Variants in R3HDM2 observed in about 807,000 individuals in gnomAD.
R3HDM2 encodes the protein R3H domain containing 2, also known as R3H domain-containing protein 2.
In R3HDM2, 38 loss-of-function variants were observed where a neutral mutation model predicts 124.5. The observed-to-expected ratio is 0.31, with a 90% CI of 0.24 to 0.40. The LOEUF is 0.40. Among genes scored for constraint, R3HDM2 ranks in the 10% least tolerant of loss-of-function variants. The probability of loss-of-function intolerance (pLI) is 1.00; values close to 1 mark genes in which losing one functional copy is unlikely to be tolerated. For missense variants in R3HDM2, 869 were observed against 1,236.9 expected, an observed-to-expected ratio of 0.70 and a Z score of 4.46; for synonymous variants, 391 against 448.0, an observed-to-expected ratio of 0.87 and a Z score of 1.61.
At chr12:57,396,310 A>T (rs1361591129) in intron 1 of R3HDM2, among the ~76,000 whole-genome samples, 2 of 151,868 alleles carry the variant, frequency 1.3e-5, no homozygotes, top group South Asian at 4.1e-4. Context: ...GCACGGTGGC[A>T]TGTGCCTGTA....
chr12:57,410,449 C>T (rs2068910471), intron 1 of R3HDM2, among the ~76,000 whole-genome samples: 1 of 151,934 alleles, frequency 6.6e-6, no homozygotes, highest in Admixed American at 6.6e-5. Flanking sequence ...ACAATTCCAG[C>T]ATCATAAAAT....
chr12:57,344,054 C>T (rs1165248644), intron 2 of R3HDM2, among the ~76,000 whole-genome samples: 5 of 152,224 alleles, frequency 3.3e-5, no homozygotes, highest in South Asian at 2.1e-4. Flanking sequence ...TACAAACTTA[C>T]GTATACACAT....
intron 2 of R3HDM2, among the ~76,000 whole-genome samples, chr12:57,370,402 G>A (rs530874911): frequency 3.0e-4 from 40 of 131,900 alleles, no homozygotes; most frequent in African/African-American, 9.9e-4. Flanking sequence ...AGGCCCGGGG[G>A]GGGGGGGCGG....
At chr12:57,331,423 T>C (rs2058176797) in intron 2 of R3HDM2, among the ~76,000 whole-genome samples, 1 of 152,210 alleles carries the variant, frequency 6.6e-6, no homozygotes, top group South Asian at 2.1e-4. Context: ...CGTTTATCAT[T>C]GTCAAACTAT....
At chr12:57,328,419 T>C (rs375578190) in intron 2 of R3HDM2, among the ~76,000 whole-genome samples, 20 of 152,254 alleles carry the variant, frequency 1.3e-4, no homozygotes, top group Non-Finnish European at 2.6e-4. Context: ...ACCACCACCA[T>C]TGATCAGTCA....
rs541541327 is a variant in R3HDM2 at position 57,330,735 on chromosome 12, G to A, written c.-35-20272C>T. 7.8e-5 allele frequency among the ~76,000 whole-genome samples: 8 copies of A among 102,112 alleles called. No homozygotes were observed. The South Asian group carries it at 2.7e-3, about 34-fold the overall frequency. 67.0% of individuals were successfully genotyped at this position (102,112 alleles called of 152,430 possible). ...TTTTTTTGAGACGGAGTCTCGTTCT[G>A]TTGCCCAGGCTGGAGTGCAGTGGCG... On this transcript the variant is annotated intron_variant, in intron 2 of 23. Coordinates refer to ENST00000402412, the MANE Select transcript of R3HDM2 (RefSeq NM_001394031.1).
In R3HDM2 at chr12:57,380,172, A is replaced by G. The variant is rs913606214; in HGVS notation, c.-36+15577T>C. On this transcript the variant is annotated intron_variant, in intron 2 of 23. Coordinates refer to ENST00000402412, the MANE Select transcript of R3HDM2 (RefSeq NM_001394031.1). ...TTTCTCTTGAGTCTTGAATAATTCA[A>G]TCCTATTAACTCCTAAAAACTCAAA... 7.2e-5 allele frequency among the ~76,000 whole-genome samples: 11 copies of G among 152,148 alleles called. No homozygotes were observed. In the East Asian group the frequency reaches 1.3e-3, roughly 19 times the overall value.
At chr12:57,358,481 A>AC (rs2061538046) in intron 2 of R3HDM2, among the ~76,000 whole-genome samples, 1 of 151,994 alleles carries the variant, frequency 6.6e-6, no homozygotes, top group South Asian at 2.1e-4. Flanking sequence ...CACCAAAAAT[A>AC]CAAAAAAATA....
At chr12:57,316,074 G>GC (rs1210948896) in intron 2 of R3HDM2, among the ~76,000 whole-genome samples, 1 of 152,206 alleles carries the variant, frequency 6.6e-6, no homozygotes, top group Non-Finnish European at 1.5e-5. Context: ...TCCAGCCTGC[G>GC]CAACAGAGTG....
chr12:57,298,258 A>G lies in R3HDM2; in HGVS notation c.422-90T>C. ...AGCAGAAGTCCACAACCTAACCAGG[A>G]GAAAAAAGAATAGGAAAGCAAAATC... is the stretch of plus-strand genomic sequence containing the variant. On this transcript the variant is annotated intron_variant, in intron 6 of 23. Transcript: ENST00000402412. The G allele has an allele frequency of 2.9e-6, 3 of 1,017,940 alleles. No individual in the cohort carries two copies. The South Asian group carries it at 4.5e-5, about 15-fold the overall frequency. The allele number at this position is 1,017,940 out of a possible 1,614,324, so 63.1% of individuals were successfully genotyped here. A position where few individuals can be genotyped will look rare whatever the true frequency, so the allele number is the denominator to read the frequency against.
intron 14 of R3HDM2, among the ~76,000 whole-genome samples, chr12:57,270,410 G>T (rs1337717790): frequency 6.6e-6 from 1 of 150,724 alleles, no homozygotes; most frequent in Non-Finnish European, 1.5e-5. Flanking sequence ...GTTTTGTTTT[G>T]TTTTGTTTTG....
In R3HDM2 at chr12:57,363,311, G is replaced by A. The variant is rs377196162; in HGVS notation, c.-36+32438C>T. On this transcript the variant is annotated intron_variant, in intron 2 of 23. Coordinates refer to ENST00000402412, the MANE Select transcript of R3HDM2 (RefSeq NM_001394031.1). ...ACCATACAATTCACCCATTTAAAGT[G>A]CACAATTCTATGGCTTTTAGCATAT... is the stretch of plus-strand genomic sequence containing the variant. 3.3e-5 allele frequency among the ~76,000 whole-genome samples: 5 copies of A among 152,108 alleles called. No homozygotes were observed. In the South Asian group the frequency reaches 8.3e-4, roughly 25 times the overall value.
chr12:57,362,767 T>C (rs2062105901), intron 2 of R3HDM2, among the ~76,000 whole-genome samples: 1 of 152,206 alleles, frequency 6.6e-6, no homozygotes, highest in African/African-American at 2.4e-5. Flanking sequence ...TTTTTCCAAA[T>C]AAAATAATAT....
chr12:57,262,613 GT>G (rs1443066908), intron 19 of R3HDM2, among the ~76,000 whole-genome samples: 2 of 152,168 alleles, frequency 1.3e-5, no homozygotes, highest in African/African-American at 2.4e-5. Flanking sequence ...TTTTGGAAAA[GT>G]GACCATGTTG....
intron 2 of R3HDM2, among the ~76,000 whole-genome samples, chr12:57,342,749 A>G (rs1177292227): frequency 6.6e-6 from 1 of 152,238 alleles, no homozygotes; most frequent in Non-Finnish European, 1.5e-5. Flanking sequence ...CTCACCTGCA[A>G]AATAACTGAG....
At chr12:57,266,658 C>G (rs2042505536) in intron 19 of R3HDM2, 73 bp downstream of exon 19, 1 of 1,249,138 alleles carries the variant, frequency 8.0e-7, no homozygotes, top group Non-Finnish European at 1.2e-6. Context: ...CCCTTCCCAG[C>G]TCTAGAGCAC....
intron 1 of R3HDM2, among the ~76,000 whole-genome samples, chr12:57,412,793 C>A (rs530999222): frequency 6.6e-6 from 1 of 151,710 alleles, no homozygotes; most frequent in Non-Finnish European, 1.5e-5. Flanking sequence ...ATCACAAGGT[C>A]AGGAGTTCGA....
intron 2 of R3HDM2, among the ~76,000 whole-genome samples, chr12:57,348,525 C>T (rs2060279615): frequency 1.3e-5 from 2 of 151,546 alleles, no homozygotes; most frequent in African/African-American, 4.9e-5. Context: ...AAAACCCCGT[C>T]TCTACTAAAA....
intron 2 of R3HDM2, among the ~76,000 whole-genome samples, chr12:57,338,828 A>G (rs1309622772): frequency 6.6e-6 from 1 of 151,550 alleles, no homozygotes; most frequent in Non-Finnish European, 1.5e-5. Flanking sequence ...AAAGGGAGAG[A>G]GAGAGAGAGA....
Sources: gnomAD v4.1 joint callset for allele counts (sites outside exome capture counted in the v4.1 genomes callset) on GRCh38, gnomAD v4.1.1 for gene constraint, MANE v1.5 for transcripts, NCBI Gene and HGNC (gene_info 2026-07-23, HGNC 2026-07-21) for gene names.